The following USP3 variants were observed in gnomAD, a reference collection of about 807,000 sequenced individuals.
USP3 encodes ubiquitin carboxyl-terminal hydrolase 3.
USP3 carries 20 observed loss-of-function variants against 72.3 expected under a neutral mutation model. The observed-to-expected ratio is 0.28, with a 90% CI of 0.19 to 0.40. USP3 has a LOEUF of 0.40. Among genes scored for constraint, USP3 ranks in the 10% least tolerant of loss-of-function variants. The probability of loss-of-function intolerance (pLI) is 1.00; values close to 1 mark genes in which losing one functional copy is unlikely to be tolerated. For synonymous variants in USP3, 222 were observed against 225.3 expected (o/e 0.99, Z 0.13); for missense variants, 479 against 633.9 (o/e 0.76, Z 2.62).
chr15:63,563,607 G>A (rs1454460037), intron 8 of USP3, among the ~76,000 whole-genome samples: 2 of 152,150 alleles, frequency 1.3e-5, no homozygotes, highest in Non-Finnish European at 2.9e-5. Context: ...TTTCTCGTAG[G>A]TCTGTCATCC....
intron 1 of USP3, among the ~76,000 whole-genome samples, chr15:63,517,978 TC>T (rs893464399): frequency 2.6e-5 from 4 of 152,222 alleles, no homozygotes; most frequent in African/African-American, 9.6e-5. Context: ...TCTGTTTTTT[TC>T]CTTTATTGTC....
At chr15:63,569,225 T>C (rs2066741778) in intron 8 of USP3, among the ~76,000 whole-genome samples, 1 of 152,208 alleles carries the variant, frequency 6.6e-6, no homozygotes, top group Non-Finnish European at 1.5e-5. Flanking sequence ...TCCTTAGATA[T>C]ACAAAGGAAC....
chr15:63,514,577 T>C (rs2065827576), intron 1 of USP3, among the ~76,000 whole-genome samples: 1 of 152,176 alleles, frequency 6.6e-6, no homozygotes, highest in South Asian at 2.1e-4. Context: ...CTTTGTACTT[T>C]AGTGTTAACC....
intron 9 of USP3, among the ~76,000 whole-genome samples, chr15:63,573,519 G>A (rs2066813044): frequency 6.6e-6 from 1 of 152,196 alleles, no homozygotes; most frequent in Non-Finnish European, 1.5e-5. Flanking sequence ...CTTACTTCCA[G>A]CAGTAATTAC....
At chr15:63,512,958 A>T (rs1246572452) in intron 1 of USP3, among the ~76,000 whole-genome samples, 1 of 152,198 alleles carries the variant, frequency 6.6e-6, no homozygotes, top group East Asian at 1.9e-4. Context: ...ATTTTATAAG[A>T]CCCTTTGAAG....
intron 1 of USP3, among the ~76,000 whole-genome samples, chr15:63,516,488 C>T (rs1219551337): frequency 6.6e-6 from 1 of 152,062 alleles, no homozygotes; most frequent in African/African-American, 2.4e-5. Flanking sequence ...TCTCTAATTG[C>T]ATGGCACATT....
At position 63,590,812 on chromosome 15, in the gene USP3, T is replaced by C. The variant is rs748047714; in HGVS notation, c.1549T>C (p.Ser517Pro). 2 of 1,612,254 alleles carry C rather than the reference T, an allele frequency of 1.2e-6. No individual in the cohort carries two copies. Among genetic ancestry groups the C allele is most frequent in the Non-Finnish European group, 1.7e-6 (2 of 1,179,516 alleles). The change falls in exon 15 of 15, where the codon TCG (serine) becomes CCG (proline). Residue 517 changes from serine (S) to proline (P), a missense_variant. Ser to Pro is a moderately conservative substitution (Grantham distance 74). Transcript: ENST00000380324. ...CGTGGAACACCAGGCCAAAGCTGGA[T>C]CGGATAAACTTTAATACCTCCTCCA... The part of the protein sequence containing the change: ...FYVEHQAKAG[S>P]DKL
rs925300915 is a variant in USP3, at chr15:63,590,897, C to T, written c.*71C>T. 3 of 1,479,236 alleles carry T rather than the reference C, an allele frequency of 2.0e-6. No individual in the cohort carries two copies. Among genetic ancestry groups the T allele is most frequent in the South Asian group, 1.4e-5 (1 of 70,490 alleles). 91.6% of individuals were successfully genotyped at this position (1,479,236 alleles called of 1,614,324 possible). On this transcript the variant is annotated 3_prime_UTR_variant, in exon 15 of 15. Transcript: ENST00000380324. ...TCCAGTTTTCCACAAATACTTGATA[C>T]AAGATTTAATTTCATTATGCACTTT...
At position 63,574,524 on chromosome 15, in the gene USP3, A is replaced by C; in HGVS notation, c.1096+121A>C. 1.4e-6 allele frequency: 1 copy of C among 701,774 alleles called. No individual in the cohort carries two copies. The highest frequency in any genetic ancestry group is 2.1e-6 in the Non-Finnish European group (1 of 466,324). The allele number at this position is 701,774 out of a possible 1,614,324, so 43.5% of individuals were successfully genotyped here. On this transcript the variant is annotated intron_variant, in intron 11 of 14. Coordinates refer to ENST00000380324, the MANE Select transcript of USP3 (RefSeq NM_006537.4). The surrounding 1 kb of genome is among the most constrained non-coding windows in gnomAD (Gnocchi z 4.6). ...TAATGAATCTGTGTTGTAACTTAAC[A>C]AAAGTCAAACTTGAATGTCTTTTCC...
chr15:63,592,335 T>C lies in USP3; in HGVS notation c.*1509T>C, dbSNP rs1222458394. On this transcript the variant is annotated 3_prime_UTR_variant, in exon 15 of 15. Coordinates refer to ENST00000380324, the MANE Select transcript of USP3 (RefSeq NM_006537.4). ...TGTTCTAAGACAGTCCTGTGGTGGT[T>C]TTTTTTTTTTCTTTTTTTTGGTTGG... The C allele has an allele frequency of 7.0e-5, 1 of 14,368 alleles. No homozygotes were observed. The highest frequency in any genetic ancestry group is 5.7e-4 in the Admixed American group (1 of 1,766). The allele number at this position is 14,368 out of a possible 1,614,324, so 0.9% of individuals were successfully genotyped here.
intron 9 of USP3, among the ~76,000 whole-genome samples, chr15:63,571,867 T>A (rs936637415): frequency 3.9e-5 from 6 of 152,346 alleles, no homozygotes; most frequent in African/African-American, 1.4e-4. Context: ...TATTAAAAAT[T>A]CAGATTTCCT....
rs1023051141 is a variant in USP3 at position 63,591,756 on chromosome 15, C to CATCA, written c.*931_*934dup. 6.6e-6 allele frequency: 1 copy of CATCA among 152,222 alleles called. No individual in the cohort carries two copies. Among genetic ancestry groups the CATCA allele is most frequent in the African/African-American group, 2.4e-5 (1 of 41,450 alleles). 9.4% of individuals were successfully genotyped at this position (152,222 alleles called of 1,614,324 possible). A position where few individuals can be genotyped will look rare whatever the true frequency, so the allele number is the denominator to read the frequency against. ...GTGACCCTCTGGGATTTACTTGGATCATCACCCGCACTTCAGTTTATCACT... is the reference window on the plus strand; with the variant it reads ...GTGACCCTCTGGGATTTACTTGGATCATCAATCACCCGCACTTCAGTTTATCACT... On this transcript the variant is annotated 3_prime_UTR_variant, in exon 15 of 15. Coordinates refer to ENST00000380324, the MANE Select transcript of USP3 (RefSeq NM_006537.4).
At chr15:63,530,950 C>T (rs562209952) in intron 1 of USP3, among the ~76,000 whole-genome samples, 6 of 152,284 alleles carry the variant, frequency 3.9e-5, no homozygotes, top group Non-Finnish European at 7.4e-5. Context: ...ATGTGGTTTA[C>T]GTGCACATGT....
rs568583369 is a variant in USP3 at position 63,513,605 on chromosome 15, C to T, written c.91+8775C>T. Among the ~76,000 whole-genome samples, 302 of 152,220 alleles carry T rather than the reference C, an allele frequency of 2.0e-3. 1 individual carries two copies. Among genetic ancestry groups the T allele is most frequent in the Non-Finnish European group, 2.6e-3 (178 of 68,020 alleles). The stretch of plus-strand genomic sequence containing the variant: ...TGTTACCCAGGTCTTGAACTTCTGA[C>T]TCTGAGTGATCTTTCCACCTCAGCC... On this transcript the variant is annotated intron_variant, in intron 1 of 14. Coordinates refer to ENST00000380324, the MANE Select transcript of USP3 (RefSeq NM_006537.4).
chr15:63,574,447 T>C lies in USP3; in HGVS notation c.1096+44T>C, dbSNP rs202244759. On this transcript the variant is annotated intron_variant, in intron 11 of 14. Transcript: ENST00000380324. The surrounding 1 kb of genome is among the most constrained non-coding windows in gnomAD (Gnocchi z 4.6). Reference sequence around the variant, plus strand: ...TCTAAAAATTTTTTTCTTTAAATAATTGAATAGATTGATAAGCTTCATCTA... The same window carrying C: ...TCTAAAAATTTTTTTCTTTAAATAACTGAATAGATTGATAAGCTTCATCTA... 7.0e-5 allele frequency: 98 copies of C among 1,403,510 alleles called. 1 individual carries two copies. In the Admixed American group the frequency reaches 1.4e-3, roughly 19 times the overall value. 86.9% of individuals were successfully genotyped at this position (1,403,510 alleles called of 1,614,324 possible).
chr15:63,550,914 T>C (rs572184666), intron 3 of USP3, among the ~76,000 whole-genome samples: 1 of 152,270 alleles, frequency 6.6e-6, no homozygotes, highest in African/African-American at 2.4e-5. Flanking sequence ...CTCAGCACTT[T>C]GGGAGGCTGA....
At position 63,532,056 on chromosome 15, in the gene USP3, T is replaced by G. The variant is rs1306858993; in HGVS notation, c.92-591T>G. Among the ~76,000 whole-genome samples the G allele has an allele frequency of 3.3e-5, 5 of 152,330 alleles. No homozygotes were observed. In the East Asian group the frequency reaches 7.7e-4, roughly 23 times the overall value. On this transcript the variant is annotated intron_variant, in intron 1 of 14. Coordinates refer to ENST00000380324, the MANE Select transcript of USP3 (RefSeq NM_006537.4). ...TTAATCAATATTTCATTTCCATACC[T>G]TCTTGCCTTCCCCACCACTATAATA...
At position 63,528,966 on chromosome 15, in the gene USP3, A is replaced by T. The variant is rs941738523; in HGVS notation, c.92-3681A>T. On this transcript the variant is annotated intron_variant, in intron 1 of 14. Transcript: ENST00000380324. This position sits in a 1 kb window ranked among gnomAD's most constrained non-coding sequence, Gnocchi z 4.3. ...AATATTCCCCAAAGCAATGCCATTTATTGGCTTCAGAATCCCTCATAATAC... is the reference window on the plus strand; with the variant it reads ...AATATTCCCCAAAGCAATGCCATTTTTTGGCTTCAGAATCCCTCATAATAC... 7.9e-7 allele frequency: 1 copy of T among 1,266,038 alleles called. No individual in the cohort carries two copies. Among genetic ancestry groups the T allele is most frequent in the South Asian group, 1.3e-5 (1 of 79,680 alleles). The allele number at this position is 1,266,038 out of a possible 1,614,324, so 78.4% of individuals were successfully genotyped here. A position where few individuals can be genotyped will look rare whatever the true frequency, so the allele number is the denominator to read the frequency against.
intron 3 of USP3, among the ~76,000 whole-genome samples, chr15:63,541,748 T>A (rs535216612): frequency 2.6e-5 from 4 of 152,276 alleles, no homozygotes; most frequent in Admixed American, 6.5e-5. Flanking sequence ...GTCACTAGAA[T>A]ATCAGCTTGC....
Sources: allele counts gnomAD v4.1 joint callset (sites outside exome capture counted in the v4.1 genomes callset), GRCh38; gene constraint gnomAD v4.1.1; non-coding constraint Gnocchi (gnomAD v3.1); transcripts MANE v1.5; gene names NCBI Gene and HGNC (gene_info 2026-07-23, HGNC 2026-07-21).